Variants in PDE4B observed in about 807,000 individuals in gnomAD.
PDE4B encodes phosphodiesterase 4B.
In PDE4B, 20 loss-of-function variants were observed where a neutral mutation model predicts 82.2. The ratio of observed to expected loss-of-function variants is 0.24; its 90% CI spans 0.17 to 0.35. PDE4B has a LOEUF of 0.35. Among genes scored for constraint, PDE4B ranks in the 10% least tolerant of loss-of-function variants. The pLI is 1.00. For synonymous variants in PDE4B, 320 were observed against 318.9 expected (o/e 1.00, Z -0.04); for missense variants, 655 against 907.2 (o/e 0.72, Z 3.57).
At chr1:65,846,676 C>G (rs1646271490) in intron 1 of PDE4B, among the ~76,000 whole-genome samples, 1 of 152,096 alleles carries the variant, frequency 6.6e-6, no homozygotes, top group South Asian at 2.1e-4. Flanking sequence ...CCAAAGCTTT[C>G]TGGAGTAGTA....
chr1:66,213,276 C>T (rs913260407), intron 3 of PDE4B, among the ~76,000 whole-genome samples: 1 of 151,998 alleles, frequency 6.6e-6, no homozygotes, highest in Non-Finnish European at 1.5e-5. Context: ...GTTTTTGCTC[C>T]CTTCAGAGAG....
chr1:66,126,025 C>T (rs1226611204), intron 3 of PDE4B, among the ~76,000 whole-genome samples: 5 of 152,064 alleles, frequency 3.3e-5, no homozygotes, highest in Non-Finnish European at 7.4e-5. Flanking sequence ...AGGCTGGTCT[C>T]GAACTCCTGA....
rs538347425 is a variant in PDE4B, at chr1:65,804,897, T to C, written c.-71+11649T>C. 1.6e-3 allele frequency among the ~76,000 whole-genome samples: 242 copies of C among 148,390 alleles called. 1 individual carries two copies. Among genetic ancestry groups the C allele is most frequent in the Admixed American group, 4.1e-3 (59 of 14,558 alleles). On this transcript the variant is annotated intron_variant, in intron 1 of 16. Transcript: ENST00000341517. Reference sequence around the variant, plus strand: ...TTTAAAAATTCCTTAATTAATAGACTTTATTATTAATTTTAATTGATACAC... The same window carrying C: ...TTTAAAAATTCCTTAATTAATAGACCTTATTATTAATTTTAATTGATACAC...
intron 3 of PDE4B, among the ~76,000 whole-genome samples, chr1:65,997,471 A>G (rs1391151335): frequency 6.6e-6 from 1 of 152,164 alleles, no homozygotes; most frequent in African/African-American, 2.4e-5. Flanking sequence ...GATTAAGTGG[A>G]GAATAGGAAA....
In PDE4B at chr1:65,836,275, A is replaced by G. The variant is rs1432253206; in HGVS notation, c.-71+43027A>G. On this transcript the variant is annotated intron_variant, in intron 1 of 16. Transcript: ENST00000341517. ...TCTGCTCTCTTTAGATGGGTCATAC[A>G]TTCTCCAACTCACCGCTATCCTTAC... Among the ~76,000 whole-genome samples, 3 of 152,114 alleles carry G rather than the reference A, an allele frequency of 2.0e-5. No individual in the cohort carries two copies. The South Asian group carries it at 6.2e-4, about 32-fold the overall frequency.
chr1:65,880,944 C>T lies in PDE4B; in HGVS notation c.-70-32301C>T, dbSNP rs190247410. ...TGCAGAGCCTATTTTCCTTTAATTACTGTGAGATAATGAGGCGACCCCCTC... is the reference window on the plus strand; with the variant it reads ...TGCAGAGCCTATTTTCCTTTAATTATTGTGAGATAATGAGGCGACCCCCTC... On this transcript the variant is annotated intron_variant, in intron 1 of 16. Coordinates refer to ENST00000341517, the MANE Select transcript of PDE4B (RefSeq NM_002600.4). 3.0e-3 allele frequency among the ~76,000 whole-genome samples: 451 copies of T among 152,216 alleles called. 1 individual carries two copies. Among genetic ancestry groups the T allele is most frequent in the Middle Eastern group, 6.8e-3 (2 of 292 alleles).
intron 3 of PDE4B, among the ~76,000 whole-genome samples, chr1:65,955,177 A>C (rs1417187289): frequency 1.3e-5 from 2 of 152,080 alleles, no homozygotes; most frequent in Non-Finnish European, 2.9e-5. Flanking sequence ...TTTTACCAAA[A>C]TCCTTCCCTG....
At chr1:65,859,581 A>C (rs1301740270) in intron 1 of PDE4B, among the ~76,000 whole-genome samples, 1 of 152,194 alleles carries the variant, frequency 6.6e-6, no homozygotes, top group Non-Finnish European at 1.5e-5. Flanking sequence ...GTGGACCGTC[A>C]TATAAAATGA....
chr1:66,367,440 G>T (rs1663331504), intron 13 of PDE4B: 2 of 310,112 alleles, frequency 6.4e-6, no homozygotes, highest in Admixed American at 9.1e-5. Flanking sequence ...CTGAGATATA[G>T]AAGGAGTAAA....
At chr1:66,123,162 C>G (rs1396778980) in intron 3 of PDE4B, among the ~76,000 whole-genome samples, 1 of 152,090 alleles carries the variant, frequency 6.6e-6, no homozygotes, top group African/African-American at 2.4e-5. Flanking sequence ...ATAGGTAGGC[C>G]CATGAAATTT....
chr1:65,862,834 G>A (rs1646469855), intron 1 of PDE4B, among the ~76,000 whole-genome samples: 1 of 152,102 alleles, frequency 6.6e-6, no homozygotes, highest in African/African-American at 2.4e-5. Flanking sequence ...TAGTTTATTT[G>A]CATAGAGGTG....
chr1:66,194,727 T>C (rs1171043159), intron 3 of PDE4B, among the ~76,000 whole-genome samples: 1 of 152,080 alleles, frequency 6.6e-6, no homozygotes, highest in Non-Finnish European at 1.5e-5. Context: ...ATAAAAAAGG[T>C]GAGTTCCTTG....
intron 7 of PDE4B, among the ~76,000 whole-genome samples, chr1:66,294,122 C>G (rs978178633): frequency 1.3e-5 from 2 of 152,154 alleles, no homozygotes; most frequent in African/African-American, 4.8e-5. Flanking sequence ...AGGAGAATCA[C>G]TTGAACCCAG....
At chr1:65,865,692 C>G (rs887760381) in intron 1 of PDE4B, among the ~76,000 whole-genome samples, 1 of 152,180 alleles carries the variant, frequency 6.6e-6, no homozygotes, top group African/African-American at 2.4e-5. Context: ...TGCTTCTGCT[C>G]TTCCTCCGTG....
At chr1:66,186,551 G>A (rs540321721) in intron 3 of PDE4B, among the ~76,000 whole-genome samples, 156 of 152,058 alleles carry the variant, frequency 1.0e-3, no homozygotes, top group African/African-American at 3.5e-3. Flanking sequence ...GGTCCTTCAC[G>A]TCCCTTATAA....
At chr1:66,194,360 T>G (rs1339824359) in intron 3 of PDE4B, among the ~76,000 whole-genome samples, 1 of 152,130 alleles carries the variant, frequency 6.6e-6, no homozygotes, top group Non-Finnish European at 1.5e-5. Flanking sequence ...TATGTTAACA[T>G]CATAACTTGG....
At chr1:66,352,734 A>T (rs903581866) in intron 8 of PDE4B, among the ~76,000 whole-genome samples, 10 of 151,936 alleles carry the variant, frequency 6.6e-5, no homozygotes, top group Admixed American at 5.9e-4. Context: ...TTTCACTGCT[A>T]TATCATCACT....
intron 1 of PDE4B, among the ~76,000 whole-genome samples, chr1:65,871,261 C>T (rs1457362823): frequency 1.3e-5 from 2 of 148,840 alleles, no homozygotes; most frequent in African/African-American, 5.0e-5. Context: ...CCTTGGAGTG[C>T]TAGAGCAGGG....
At chr1:66,025,980 A>G in intron 3 of PDE4B, among the ~76,000 whole-genome samples, 1 of 152,214 alleles carries the variant, frequency 6.6e-6, no homozygotes, top group East Asian at 1.9e-4. Context: ...GTCTCAGAAT[A>G]CAAACCTTTA....
Sources: allele counts gnomAD v4.1 joint callset (sites outside exome capture counted in the v4.1 genomes callset), GRCh38; gene constraint gnomAD v4.1.1; transcripts MANE v1.5; gene names NCBI Gene and HGNC (gene_info 2026-07-23, HGNC 2026-07-21).